NBEA: variants seen among roughly 807,000 people sequenced by gnomAD.
NBEA encodes lysosomal-trafficking regulator 2.
NBEA carries 44 observed loss-of-function variants against 343.4 expected under a neutral mutation model. That is an observed-to-expected ratio of 0.13 (90% CI 0.10 to 0.16). NBEA has a LOEUF of 0.16. NBEA is among the 10% of genes least tolerant of loss of function. The pLI is 1.00. For missense variants in NBEA, 2,555 were observed against 3,631.3 expected (o/e 0.70, Z 7.62); for synonymous variants, 1,175 against 1,238.7 (o/e 0.95, Z 1.08).
intron 38 of NBEA, among the ~76,000 whole-genome samples, chr13:35,423,100 T>G (rs9544301): frequency 1.3e-5 from 2 of 151,934 alleles, no homozygotes; most frequent in Non-Finnish European, 2.9e-5. Flanking sequence ...CTGTAGGTTG[T>G]CTGTTCACTC....
At chr13:35,333,202 G>T (rs764335084) in intron 36 of NBEA, among the ~76,000 whole-genome samples, 20 of 151,928 alleles carry the variant, frequency 1.3e-4, no homozygotes, top group Non-Finnish European at 2.6e-4. Flanking sequence ...GATCTCTAAG[G>T]GCTGCAAAGG....
chr13:35,306,606 C>G (rs889394322), intron 35 of NBEA, among the ~76,000 whole-genome samples: 5 of 151,964 alleles, frequency 3.3e-5, no homozygotes, highest in Non-Finnish European at 7.4e-5. Flanking sequence ...CTCCATTATC[C>G]CTTTCTAATA....
intron 8 of NBEA, among the ~76,000 whole-genome samples, chr13:35,066,210 C>A (rs1275724389): frequency 6.6e-6 from 1 of 152,130 alleles, no homozygotes; most frequent in Non-Finnish European, 1.5e-5. Flanking sequence ...ATCCTCCTAC[C>A]TCAGCCTCCC....
chr13:35,088,663 T>TA (rs2064901611), intron 10 of NBEA, among the ~76,000 whole-genome samples: 1 of 151,866 alleles, frequency 6.6e-6, no homozygotes, highest in African/African-American at 2.4e-5. Flanking sequence ...CAAACTTTTT[T>TA]TAAAAAAAAT....
intron 33 of NBEA, among the ~76,000 whole-genome samples, chr13:35,231,914 A>G (rs2074997058): frequency 6.6e-6 from 1 of 152,116 alleles, no homozygotes; most frequent in Non-Finnish European, 1.5e-5. Context: ...AAGAATGTCA[A>G]GTAGTGCTTA....
At chr13:35,480,381 G>A (rs957279887) in intron 41 of NBEA, among the ~76,000 whole-genome samples, 1 of 151,990 alleles carries the variant, frequency 6.6e-6, no homozygotes, top group Non-Finnish European at 1.5e-5. Context: ...AATTTGAATT[G>A]CATGTTCACA....
chr13:35,511,424 A>G (rs1359546356), intron 41 of NBEA, among the ~76,000 whole-genome samples: 1 of 152,194 alleles, frequency 6.6e-6, no homozygotes, highest in Non-Finnish European at 1.5e-5. Context: ...TTTAAAGTTG[A>G]CTTAAACCTA....
chr13:35,287,592 T>C (rs187029439), intron 34 of NBEA, among the ~76,000 whole-genome samples: 125 of 152,170 alleles, frequency 8.2e-4, no homozygotes, highest in Admixed American at 5.1e-3. Context: ...CCTGTGTACT[T>C]TTTGCTTAAG....
intron 40 of NBEA, among the ~76,000 whole-genome samples, chr13:35,468,274 TAAAC>T (rs1293647075): frequency 1.3e-5 from 2 of 152,104 alleles, no homozygotes; most frequent in African/African-American, 2.4e-5. Context: ...TTGTTGGACA[TAAAC>T]AACCTCACAG....
chr13:35,049,597 A>T (rs1476762146), intron 5 of NBEA, among the ~76,000 whole-genome samples: 5 of 151,774 alleles, frequency 3.3e-5, no homozygotes, highest in African/African-American at 1.2e-4. Context: ...AAGCATCTGA[A>T]CTTCCAAACA....
chr13:35,424,119 T>C (rs1435734374), intron 38 of NBEA, among the ~76,000 whole-genome samples: 2 of 152,186 alleles, frequency 1.3e-5, no homozygotes, highest in African/African-American at 4.8e-5. Flanking sequence ...GACTTCCTCT[T>C]TTCCTAATCG....
At chr13:34,996,014 A>T (rs2060928734) in intron 1 of NBEA, among the ~76,000 whole-genome samples, 1 of 152,232 alleles carries the variant, frequency 6.6e-6, no homozygotes, top group Non-Finnish European at 1.5e-5. Flanking sequence ...AGCTTGGAAA[A>T]GCAAGGATTC....
At chr13:35,447,221 A>G (rs1317652735) in intron 39 of NBEA, among the ~76,000 whole-genome samples, 1 of 152,102 alleles carries the variant, frequency 6.6e-6, no homozygotes, top group African/African-American at 2.4e-5. Flanking sequence ...TCATGTCTCC[A>G]GTTTGTCATT....
chr13:35,650,418 A>G (rs867161560), intron 52 of NBEA, among the ~76,000 whole-genome samples: 61 of 152,252 alleles, frequency 4.0e-4, no homozygotes, highest in African/African-American at 1.4e-3. Context: ...TGTTTCTCCA[A>G]ACTCTTTCCT....
chr13:35,499,071 A>C (rs2076788697), intron 41 of NBEA, among the ~76,000 whole-genome samples: 2 of 152,086 alleles, frequency 1.3e-5, no homozygotes, highest in Non-Finnish European at 2.9e-5. Context: ...TGCTATAGCA[A>C]GCTGTTTTGG....
chr13:35,093,478 A>G (rs898908143), intron 10 of NBEA, among the ~76,000 whole-genome samples: 1 of 152,000 alleles, frequency 6.6e-6, no homozygotes, highest in Non-Finnish European at 1.5e-5. Flanking sequence ...GCATTTGCGA[A>G]TTCCAGCACT....
intron 36 of NBEA, among the ~76,000 whole-genome samples, chr13:35,339,702 G>T (rs1216523064): frequency 1.3e-5 from 2 of 152,076 alleles, no homozygotes; most frequent in African/African-American, 2.4e-5. Context: ...AAGGTGAAGT[G>T]GGGGCAGGCA....
At chr13:34,992,236 G>GTA (rs1273760024) in intron 1 of NBEA, among the ~76,000 whole-genome samples, 117 of 101,030 alleles carry the variant, frequency 1.2e-3, no homozygotes, top group South Asian at 2.2e-3. Context: ...GTGTGTGTGT[G>GTA]TGTATATATA....
chr13:35,460,373 G>A (rs2046833358), intron 40 of NBEA, among the ~76,000 whole-genome samples: 1 of 152,108 alleles, frequency 6.6e-6, no homozygotes. Flanking sequence ...ATACCCAAAG[G>A]ATTCACATTC....
Sources: allele counts gnomAD v4.1 joint callset (sites outside exome capture counted in the v4.1 genomes callset), GRCh38; gene constraint gnomAD v4.1.1; transcripts MANE v1.5; gene names NCBI Gene and HGNC (gene_info 2026-07-23, HGNC 2026-07-21).